The following ANAPC1 variants were observed in gnomAD, a reference collection of about 807,000 sequenced individuals.
ANAPC1 encodes the protein anaphase-promoting complex subunit 1.
In ANAPC1, 36 loss-of-function variants were observed where a neutral mutation model predicts 208.0. The ratio of observed to expected loss-of-function variants is 0.17; its 90% CI spans 0.13 to 0.23. The LOEUF (loss-of-function observed/expected upper bound fraction) is 0.23, where lower values mean the gene tolerates loss of function less well. Among genes scored for constraint, ANAPC1 ranks in the 10% least tolerant of loss-of-function variants. The pLI, the probability that ANAPC1 is intolerant of heterozygous loss-of-function variation, is 1.00. For missense variants in ANAPC1, 942 were observed against 2,011.6 expected (o/e 0.47, Z 10.17); for synonymous variants, 378 against 695.2 (o/e 0.54, Z 7.18).
At chr2:111,846,550 T>TATAC (rs1558715895) in intron 16 of ANAPC1, among the ~76,000 whole-genome samples, 1 of 70,410 alleles carries the variant, frequency 1.4e-5, no homozygotes, top group Non-Finnish European at 2.5e-5. Context: ...TATATATATA[T>TATAC]ATATATATAT....
Position 111,879,408 on chromosome 2 carries a change from T to C in ANAPC1, c.214-437A>G, listed in dbSNP as rs1372444387. On this transcript the variant is annotated intron_variant, in intron 2 of 47. Coordinates refer to ENST00000341068, the MANE Select transcript of ANAPC1 (RefSeq NM_022662.4). Reference sequence around the variant, plus strand: ...GCAATCACATATATATTCACCTTCTTTTCCTTTGTCCCACCCACCAAAATG... The same window carrying C: ...GCAATCACATATATATTCACCTTCTCTTCCTTTGTCCCACCCACCAAAATG... Among the ~76,000 whole-genome samples, 10 of 152,316 alleles carry C rather than the reference T, an allele frequency of 6.6e-5. No homozygotes were observed. In the Middle Eastern group the frequency reaches 0.01, roughly 155 times the overall value.
chr2:111,860,295 C>T (rs997874957), intron 10 of ANAPC1, among the ~76,000 whole-genome samples: 1 of 150,622 alleles, frequency 6.6e-6, no homozygotes, highest in Non-Finnish European at 1.5e-5. Flanking sequence ...AGAGTGAGAC[C>T]CTGTTTCAAA....
intron 11 of ANAPC1, among the ~76,000 whole-genome samples, chr2:111,857,692 A>G (rs1212566691): frequency 3.3e-5 from 5 of 152,234 alleles, no homozygotes; most frequent in Admixed American, 6.5e-5. Flanking sequence ...CTAGGCATTT[A>G]CTCAAGAAAA....
At chr2:111,867,978 CAAA>C (rs750765481) in intron 7 of ANAPC1, 42 bp downstream of exon 7, 5 of 1,132,922 alleles carry the variant, frequency 4.4e-6, no homozygotes, top group East Asian at 2.9e-5. Flanking sequence ...TCACCAAAGT[CAAA>C]AAAAAAAGAG....
intron 39 of ANAPC1, among the ~76,000 whole-genome samples, chr2:111,787,808 A>C (rs2718485): frequency 0.35 from 37,426 of 107,642 alleles, 7,459 homozygotes; most frequent in African/African-American, 0.44. Flanking sequence ...TACACAATTT[A>C]TCGGCATCTA....
At chr2:111,801,802 C>A (rs1397593004) in intron 33 of ANAPC1, among the ~76,000 whole-genome samples, 2 of 148,358 alleles carry the variant, frequency 1.3e-5, no homozygotes, top group Non-Finnish European at 3.0e-5. Context: ...TGTGCGGGTA[C>A]TTTTTAAAAT....
chr2:111,837,813 G>A (rs908053929), intron 18 of ANAPC1, among the ~76,000 whole-genome samples: 39 of 152,106 alleles, frequency 2.6e-4, no homozygotes, highest in African/African-American at 8.2e-4. Context: ...GCCAGGTGTG[G>A]TGGCTCATGC....
chr2:111,840,694 T>C (rs1340096804), intron 17 of ANAPC1, among the ~76,000 whole-genome samples: 1 of 152,172 alleles, frequency 6.6e-6, no homozygotes, highest in Admixed American at 6.5e-5. Context: ...TCTTTTCACA[T>C]GTAATAAAGA....
intron 39 of ANAPC1, among the ~76,000 whole-genome samples, chr2:111,787,548 T>C (rs1282076118): frequency 6.6e-6 from 1 of 152,220 alleles, no homozygotes; most frequent in Non-Finnish European, 1.5e-5. Flanking sequence ...CAACATGGGA[T>C]GCCTTAAGTT....
chr2:111,798,418 A>G (rs1249779368), intron 34 of ANAPC1, among the ~76,000 whole-genome samples: 6 of 152,260 alleles, frequency 3.9e-5, no homozygotes, highest in Admixed American at 2.6e-4. Context: ...TCAGGTCCCA[A>G]TTAAAAACTT....
intron 2 of ANAPC1, 127 bp downstream of exon 2, chr2:111,880,486 A>T: frequency 6.9e-7 from 1 of 1,440,244 alleles, no homozygotes; most frequent in Non-Finnish European, 9.1e-7. Flanking sequence ...TATTGAAATT[A>T]CCACACCTTA....
rs559519526 is a variant in ANAPC1, at chr2:111,873,153, G to A, written c.528+155C>T. ...ATTTTCTTGTGAAGTACAGAAAAAT[G>A]GTAAGCCACTAAAGCTGCCAAAATT... On this transcript the variant is annotated intron_variant, in intron 5 of 47. Transcript: ENST00000341068. 6.8e-5 allele frequency: 50 copies of A among 738,286 alleles called. No homozygotes were observed. The African/African-American group carries it at 7.8e-4, about 12-fold the overall frequency. 45.7% of individuals were successfully genotyped at this position (738,286 alleles called of 1,614,324 possible).
At chr2:111,863,514 A>G (rs1358594564) in intron 9 of ANAPC1, among the ~76,000 whole-genome samples, 161 bp downstream of exon 9, 1 of 29,388 alleles carries the variant, frequency 3.4e-5, no homozygotes, top group African/African-American at 7.2e-5. Context: ...TCCGTCTCAA[A>G]AAAAAAAAAA....
At chr2:111,866,848 G>C (rs1238970231) in intron 7 of ANAPC1, among the ~76,000 whole-genome samples, 2 of 148,266 alleles carry the variant, frequency 1.3e-5, no homozygotes, top group South Asian at 2.1e-4. Flanking sequence ...CCAGGCTCTA[G>C]TATGTTTATT....
chr2:111,857,833 G>A (rs1324322535), intron 11 of ANAPC1, among the ~76,000 whole-genome samples: 1 of 152,140 alleles, frequency 6.6e-6, no homozygotes, highest in East Asian at 1.9e-4. Flanking sequence ...AGCAAAACAT[G>A]GTGGTAGATC....
intron 16 of ANAPC1, 50 bp downstream of exon 16, chr2:111,847,088 T>C (rs781661751): frequency 2.1e-6 from 3 of 1,418,314 alleles, no homozygotes; most frequent in East Asian, 2.3e-5. Flanking sequence ...CAATTATTAA[T>C]GTAAATCACA....
intron 28 of ANAPC1, among the ~76,000 whole-genome samples, chr2:111,810,882 C>CAAAAA (rs1162540899): frequency 1.6e-3 from 117 of 71,372 alleles, no homozygotes; most frequent in Non-Finnish European, 1.9e-3. Flanking sequence ...GACTCCACAT[C>CAAAAA]AAAAAAAAAA....
chr2:111,880,449 T>C (rs1304519805), intron 2 of ANAPC1, 164 bp downstream of exon 2: 7 of 1,221,984 alleles, frequency 5.7e-6, no homozygotes, highest in Middle Eastern at 2.9e-4. Flanking sequence ...GCTATGACAA[T>C]GTAATAAAGT....
rs575706231 is a variant in ANAPC1, at chr2:111,855,418, T to C, written c.1515+1196A>G. On this transcript the variant is annotated intron_variant, in intron 13 of 47. Transcript: ENST00000341068. ...ACCAACAGACTTGCTCAACACGAAGTTGCCACAAACCTTCAATCTGTAAAA... is the reference window on the plus strand; with the variant it reads ...ACCAACAGACTTGCTCAACACGAAGCTGCCACAAACCTTCAATCTGTAAAA... 1.8e-4 allele frequency among the ~76,000 whole-genome samples: 28 copies of C among 152,214 alleles called. No homozygotes were observed. In the East Asian group the frequency reaches 4.8e-3, roughly 26 times the overall value.
Sources: gnomAD v4.1 joint callset for allele counts (sites outside exome capture counted in the v4.1 genomes callset) on GRCh38, gnomAD v4.1.1 for gene constraint, MANE v1.5 for transcripts, NCBI Gene and HGNC (gene_info 2026-07-23, HGNC 2026-07-21) for gene names.